ROBO2: variants seen among roughly 807,000 people sequenced by gnomAD.
ROBO2 encodes the protein roundabout homolog 2.
ROBO2 carries 53 observed loss-of-function variants against 160.8 expected under a neutral mutation model. That is an observed-to-expected ratio of 0.33 (90% CI 0.26 to 0.41). ROBO2 has a LOEUF of 0.41. Ranked by LOEUF, ROBO2 falls within the 10% of genes least tolerant of loss-of-function variation. The pLI is 1.00. For missense variants in ROBO2, 1,577 were observed against 1,722.4 expected (o/e 0.92, Z 1.49); for synonymous variants, 664 against 611.7 (o/e 1.09, Z -1.26).
chr3:76,137,454 A>G (rs2071473146), intron 2 of ROBO2, among the ~76,000 whole-genome samples: 1 of 151,990 alleles, frequency 6.6e-6, no homozygotes. Context: ...TCCGAAATAG[A>G]CTATTGTAAT....
chr3:77,122,141 A>C lies in ROBO2; in HGVS notation c.388+23801A>C, dbSNP rs75300821. Among the ~76,000 whole-genome samples the C allele has an allele frequency of 3.3e-4, 50 of 152,300 alleles. 2 individuals carry two copies. In the East Asian group the frequency reaches 9.3e-3, roughly 28 times the overall value. On this transcript the variant is annotated intron_variant, in intron 2 of 25. Coordinates refer to ENST00000461745, the Ensembl canonical transcript of ROBO2. ...TAAAGTGCAACGAGACTTTCTGATT[A>C]TGGGAGTTCAGGATCTTGATTTACT...
chr3:77,352,292 T>A (rs1463437883), intron 2 of ROBO2, among the ~76,000 whole-genome samples: 1 of 151,922 alleles, frequency 6.6e-6, no homozygotes, highest in Non-Finnish European at 1.5e-5. Context: ...CAGGAGTGAC[T>A]ATAGAAGTGT....
At position 76,217,314 on chromosome 3, in the gene ROBO2, A is replaced by C. The variant is rs1047021498; in HGVS notation, c.109+279712A>C. On this transcript the variant is annotated intron_variant, in intron 2 of 26. Coordinates refer to the ROBO2 transcript ENST00000487694. Reference sequence around the variant, plus strand: ...CAGAAGGCAAGAAATAACTAAAATCAGAGCAGAACTGAAGGAAATAGAGAC... The same window carrying C: ...CAGAAGGCAAGAAATAACTAAAATCCGAGCAGAACTGAAGGAAATAGAGAC... Among the ~76,000 whole-genome samples the C allele has an allele frequency of 2.6e-5, 4 of 152,220 alleles. No individual in the cohort carries two copies. In the East Asian group the frequency reaches 5.8e-4, roughly 22 times the overall value.
At chr3:76,976,292 T>C (rs547288651) in intron 2 of ROBO2, among the ~76,000 whole-genome samples, 4 of 152,188 alleles carry the variant, frequency 2.6e-5, no homozygotes, top group Admixed American at 2.6e-4. Flanking sequence ...CAATACCCCA[T>C]AGTTAGGTCA....
intron 4 of ROBO2, among the ~76,000 whole-genome samples, chr3:77,492,272 A>G (rs1161715364): frequency 6.6e-6 from 1 of 152,148 alleles, no homozygotes; most frequent in East Asian, 1.9e-4. Context: ...TTAAATGACA[A>G]TTTTTCCAGT....
chr3:76,173,230 A>G (rs1052137376), intron 2 of ROBO2, among the ~76,000 whole-genome samples: 6 of 151,644 alleles, frequency 4.0e-5, no homozygotes, highest in Non-Finnish European at 5.9e-5. Flanking sequence ...GAGTATATAT[A>G]TGTGTGTGTA....
At chr3:76,394,918 G>A (rs1431633813) in intron 2 of ROBO2, among the ~76,000 whole-genome samples, 10 of 152,120 alleles carry the variant, frequency 6.6e-5, no homozygotes, top group African/African-American at 2.4e-4. Flanking sequence ...ACAGATCAAC[G>A]AGACAGAAAG....
At chr3:76,569,928 C>T (rs945648814) in intron 2 of ROBO2, among the ~76,000 whole-genome samples, 1 of 152,082 alleles carries the variant, frequency 6.6e-6, no homozygotes, top group Admixed American at 6.6e-5. Context: ...AGTTCAAGAC[C>T]AGCCTGGGCA....
chr3:76,569,718 C>T (rs1002273415), intron 2 of ROBO2, among the ~76,000 whole-genome samples: 8 of 152,196 alleles, frequency 5.3e-5, no homozygotes, highest in African/African-American at 1.9e-4. Flanking sequence ...CTTGAGAATC[C>T]AGCTCTATTC....
chr3:77,328,889 T>A (rs944327615), intron 2 of ROBO2, among the ~76,000 whole-genome samples: 3 of 152,214 alleles, frequency 2.0e-5, no homozygotes, highest in Admixed American at 2.0e-4. Context: ...AAGAGCATAT[T>A]TGAAAACACA....
At chr3:75,933,463 A>G (rs1161004840) in intron 1 of ROBO2, among the ~76,000 whole-genome samples, 1 of 152,158 alleles carries the variant, frequency 6.6e-6, no homozygotes, top group Non-Finnish European at 1.5e-5. Context: ...CATTTCAGTA[A>G]AGAGGACTAT....
At chr3:77,305,177 T>A (rs572336018) in intron 2 of ROBO2, among the ~76,000 whole-genome samples, 2 of 152,366 alleles carry the variant, frequency 1.3e-5, no homozygotes, top group South Asian at 2.1e-4. Context: ...TTCACTCTTG[T>A]TTTGTAACAT....
intron 2 of ROBO2, among the ~76,000 whole-genome samples, chr3:75,942,045 C>T (rs77460239): frequency 2.0e-5 from 3 of 151,976 alleles, no homozygotes; most frequent in African/African-American, 7.2e-5. Context: ...TTTATTGTTC[C>T]CTTCATTTTC....
chr3:77,093,419 AAAT>A (rs1452564617), intron 1 of ROBO2, among the ~76,000 whole-genome samples: 1 of 152,086 alleles, frequency 6.6e-6, no homozygotes, highest in African/African-American at 2.4e-5. Flanking sequence ...TTTTTTGACC[AAAT>A]AATGGAGTTG....
chr3:76,195,019 GT>G (rs200739146), intron 2 of ROBO2, among the ~76,000 whole-genome samples: 2 of 151,888 alleles, frequency 1.3e-5, no homozygotes, highest in Non-Finnish European at 1.5e-5. Context: ...CAGTTTGTCA[GT>G]TTTTTTTCCT....
intron 2 of ROBO2, among the ~76,000 whole-genome samples, chr3:76,307,394 C>T (rs2071381644): frequency 6.6e-6 from 1 of 152,124 alleles, no homozygotes; most frequent in African/African-American, 2.4e-5. Context: ...TCTTTATGGC[C>T]TGCATTAAAG....
At position 76,647,418 on chromosome 3, in the gene ROBO2, G is replaced by A. The variant is rs547219270; in HGVS notation, c.110-450596G>A. Among the ~76,000 whole-genome samples the A allele has an allele frequency of 6.6e-5, 10 of 152,280 alleles. No homozygotes were observed. The East Asian group carries it at 1.9e-3, about 29-fold the overall frequency. ...AGAGGACAAAGCAGAAACGGGGCGA[G>A]CCGAGCTGCAGTTCAAACGTCACAA... is the stretch of plus-strand genomic sequence containing the variant. On this transcript the variant is annotated intron_variant, in intron 2 of 26. Coordinates refer to the ROBO2 transcript ENST00000487694.
intron 2 of ROBO2, among the ~76,000 whole-genome samples, chr3:77,365,262 T>G (rs1475829884): frequency 6.6e-6 from 1 of 151,948 alleles, no homozygotes; most frequent in Non-Finnish European, 1.5e-5. Context: ...GCTAATGGAG[T>G]TTTCTTCTTG....
chr3:76,007,610 TA>T (rs2066060525), intron 2 of ROBO2, among the ~76,000 whole-genome samples: 1 of 152,184 alleles, frequency 6.6e-6, no homozygotes. Context: ...GTACCACTTG[TA>T]AACATACCTC....
Sources: allele counts gnomAD v4.1 joint callset (sites outside exome capture counted in the v4.1 genomes callset), GRCh38; gene constraint gnomAD v4.1.1; transcripts MANE v1.5; gene names NCBI Gene and HGNC (gene_info 2026-07-23, HGNC 2026-07-21).